Variants in MCF2L observed in about 807,000 individuals in gnomAD.
MCF2L encodes the protein guanine nucleotide exchange factor DBS.
In MCF2L, 97 loss-of-function variants were observed where a neutral mutation model predicts 153.4. The observed-to-expected ratio is 0.63, with a 90% CI of 0.54 to 0.75. The LOEUF (loss-of-function observed/expected upper bound fraction) is 0.75, where lower values mean the gene tolerates loss of function less well. Ranked by LOEUF, MCF2L falls within the 30% of genes least tolerant of loss-of-function variation. The probability of loss-of-function intolerance (pLI) is 0.00; values close to 1 mark genes in which losing one functional copy is unlikely to be tolerated. For missense variants in MCF2L, 1,347 were observed against 1,495.2 expected (o/e 0.90, Z 1.64); for synonymous variants, 659 against 632.2 (o/e 1.04, Z -0.64).
At chr13:113,048,670 C>T (rs1410216093) in intron 4 of MCF2L, among the ~76,000 whole-genome samples, 1 of 152,126 alleles carries the variant, frequency 6.6e-6, no homozygotes, top group African/African-American at 2.4e-5. Context: ...TCTCAATCTC[C>T]TGACCTCGTG....
At chr13:113,081,181 C>T (rs191673403) in intron 15 of MCF2L, 32 bp from the exon 16 acceptor site, 10 of 1,554,180 alleles carry the variant, frequency 6.4e-6, no homozygotes, top group Non-Finnish European at 8.7e-6. Flanking sequence ...CCAGTGCTAA[C>T]CTTTTTTGCT....
chr13:112,912,271 G>A (rs750114205), intron 2 of MCF2L, among the ~76,000 whole-genome samples: 2 of 152,204 alleles, frequency 1.3e-5, no homozygotes, highest in African/African-American at 2.4e-5. Flanking sequence ...GTGAGTGTCC[G>A]GGGACATTGG....
chr13:113,029,216 G>A (rs2085494082), intron 3 of MCF2L, among the ~76,000 whole-genome samples: 1 of 152,198 alleles, frequency 6.6e-6, no homozygotes, highest in African/African-American at 2.4e-5. Flanking sequence ...CCTGTCCCCT[G>A]GCTGTCCCGG....
At chr13:112,919,145 A>C (rs1170365481) in intron 2 of MCF2L, among the ~76,000 whole-genome samples, 1 of 151,522 alleles carries the variant, frequency 6.6e-6, no homozygotes, top group Non-Finnish European at 1.5e-5. Context: ...TATAACTTTT[A>C]GTTTTTAGGC....
At position 113,082,577 on chromosome 13, in the gene MCF2L, T is replaced by C. The variant is rs1594975489; in HGVS notation, c.1991+35T>C. 6 of 1,425,168 alleles carry C rather than the reference T, an allele frequency of 4.2e-6. No homozygotes were observed. The East Asian group carries it at 1.4e-4, about 33-fold the overall frequency. 88.3% of individuals were successfully genotyped at this position (1,425,168 alleles called of 1,614,324 possible). A position where few individuals can be genotyped will look rare whatever the true frequency, so the allele number is the denominator to read the frequency against. Reference sequence around the variant, plus strand: ...TCCCCCCGACACAGGCACGCACCCGTGATCTCTTGCAGCTAATGGTGCTGG... The same window carrying C: ...TCCCCCCGACACAGGCACGCACCCGCGATCTCTTGCAGCTAATGGTGCTGG... On this transcript the variant is annotated intron_variant, in intron 17 of 29. Transcript: ENST00000535094.
In MCF2L at chr13:113,070,345, C is replaced by A; in HGVS notation, c.996+172C>A. ...CCTGTGAGATTAAGTCAGGCTGAGC[C>A]TTGAAATGCACGATTGATGACTGCG... On this transcript the variant is annotated intron_variant, in intron 9 of 29. Coordinates refer to ENST00000535094, the MANE Select transcript of MCF2L (RefSeq NM_001112732.3). The surrounding 1 kb of genome is among the most constrained non-coding windows in gnomAD (Gnocchi z 5.6). 2.1e-6 allele frequency: 1 copy of A among 482,796 alleles called. No homozygotes were observed. Among genetic ancestry groups the A allele is most frequent in the Non-Finnish European group, 3.6e-6 (1 of 276,240 alleles). 29.9% of individuals were successfully genotyped at this position (482,796 alleles called of 1,614,324 possible). A position where few individuals can be genotyped will look rare whatever the true frequency, so the allele number is the denominator to read the frequency against.
At chr13:112,912,013 G>A (rs2081238087) in intron 2 of MCF2L, among the ~76,000 whole-genome samples, 1 of 152,216 alleles carries the variant, frequency 6.6e-6, no homozygotes, top group Non-Finnish European at 1.5e-5. Context: ...CATTGAGTAA[G>A]TTCTACCCCA....
intron 1 of MCF2L, among the ~76,000 whole-genome samples, chr13:112,995,617 C>G (rs1048616530): frequency 1.3e-5 from 2 of 152,154 alleles, no homozygotes; most frequent in South Asian, 4.1e-4. Flanking sequence ...AAGTCACCCC[C>G]GGGATGTGCC....
chr13:112,980,703 CTG>C (rs2082386997), intron 1 of MCF2L, among the ~76,000 whole-genome samples: 1 of 85,722 alleles, frequency 1.2e-5, no homozygotes, highest in African/African-American at 3.3e-5. Flanking sequence ...CTGAGGAGGG[CTG>C]TGTCACTCAC....
At chr13:113,048,880 G>A (rs552429268) in intron 4 of MCF2L, among the ~76,000 whole-genome samples, 1 of 152,338 alleles carries the variant, frequency 6.6e-6, no homozygotes, top group African/African-American at 2.4e-5. Flanking sequence ...GACAGTTGAG[G>A]GGCATCACAA....
intron 17 of MCF2L, 96 bp from the exon 18 acceptor site, chr13:113,083,902 C>T (rs548926946): frequency 1.7e-5 from 15 of 897,972 alleles, no homozygotes; most frequent in African/African-American, 1.5e-4. Flanking sequence ...CAGAGCAAGG[C>T]GTAACAGGCT....
At position 112,941,122 on chromosome 13, in the gene MCF2L, G is replaced by A. The variant is rs550797200; in HGVS notation, c.169+38751G>A. Among the ~76,000 whole-genome samples the A allele has an allele frequency of 2.9e-4, 44 of 152,182 alleles. No homozygotes were observed. In the South Asian group the frequency reaches 8.3e-3, roughly 29 times the overall value. On this transcript the variant is annotated intron_variant, in intron 2 of 29. Transcript: ENST00000375608. The surrounding 1 kb of genome is among the most constrained non-coding windows in gnomAD (Gnocchi z 4.9). ...TTTCCGCAGGGTCAGAGTGGCCATC[G>A]TGCTTATCACATAAAAATGTAACCT... is the stretch of plus-strand genomic sequence containing the variant.
chr13:113,089,707 A>C lies in MCF2L; in HGVS notation c.2932A>C (p.Lys978Gln), dbSNP rs748560276. Residue 978 changes from lysine to glutamine, a missense_variant, in exon 26 of 30, where the codon AAG (lysine) becomes CAG (glutamine). By Grantham distance (53) the Lys-to-Gln change is moderately conservative (BLOSUM62 1). This residue lies in a region of MCF2L where 383 missense variants were observed against 335.4 expected (regional missense o/e 1.14). Transcript: ENST00000535094. Reference protein sequence around the residue: ...EGYVSSAPLTKPPEKGKGWSK... With the variant: ...EGYVSSAPLTQPPEKGKGWSK... ...ATACGTCAGCTCAGCGCCACTGACA[A>C]AGCCCCCCGAAAAGGGCAAAGGTGG... The C allele has an allele frequency of 6.2e-7, 1 of 1,613,746 alleles. No homozygotes were observed. Among genetic ancestry groups the C allele is most frequent in the Non-Finnish European group, 8.5e-7 (1 of 1,179,964 alleles).
rs1179667205 is a variant in MCF2L, at chr13:113,099,573, A to G, written c.*2714A>G. 6.6e-6 allele frequency: 1 copy of G among 152,186 alleles called. No individual in the cohort carries two copies. The highest frequency in any genetic ancestry group is 1.5e-5 in the Non-Finnish European group (1 of 68,032). 9.4% of individuals were successfully genotyped at this position (152,186 alleles called of 1,614,324 possible). On this transcript the variant is annotated 3_prime_UTR_variant, in exon 30 of 30. Coordinates refer to ENST00000535094, the MANE Select transcript of MCF2L (RefSeq NM_001112732.3). ...CAAAAAAATAAGACTAGCGTAACCC[A>G]AAGAAAGTATTTAAATACTTCTGTC... is the stretch of plus-strand genomic sequence containing the variant.
rs1194728499 is a variant in MCF2L at position 113,078,921 on chromosome 13, G to T, written c.1808+182G>T. Reference sequence around the variant, plus strand: ...TGCCGTGGCTCGAGCGTGTGTCCTGGTCCCCACCGCGTGAAGCACACACAC... The same window carrying T: ...TGCCGTGGCTCGAGCGTGTGTCCTGTTCCCCACCGCGTGAAGCACACACAC... On this transcript the variant is annotated intron_variant, in intron 15 of 29. Coordinates refer to ENST00000535094, the MANE Select transcript of MCF2L (RefSeq NM_001112732.3). 2.0e-5 allele frequency among the ~76,000 whole-genome samples: 3 copies of T among 152,340 alleles called. No homozygotes were observed. The South Asian group carries it at 6.2e-4, about 32-fold the overall frequency.
chr13:113,057,496 C>CGCTGAGTGTTTGGGT (rs1232232074), intron 4 of MCF2L, among the ~76,000 whole-genome samples: 1 of 85,900 alleles, frequency 1.2e-5, no homozygotes, highest in Non-Finnish European at 2.3e-5. Flanking sequence ...GCTGAGTGGG[C>CGCTGAGTGTTTGGGT]GCTGAGTGTT....
In MCF2L at chr13:112,943,103, CTT is replaced by C. The variant is rs56146110; in HGVS notation, c.169+40734_169+40735del. ...AGATTTCTAGCAAAAACCTGGTAAA[CTT>C]TGAGGTGAAGGCTGTCAGAAACAGC... On this transcript the variant is annotated intron_variant, in intron 2 of 29. Coordinates refer to the MCF2L transcript ENST00000375608. The surrounding 1 kb of genome is among the most constrained non-coding windows in gnomAD (Gnocchi z 4.2). Among the ~76,000 whole-genome samples the C allele has an allele frequency of 0.19, 29,125 of 152,216 alleles. 3,436 individuals carry two copies. The highest frequency in any genetic ancestry group is 0.28 in the South Asian group (1,344 of 4,822).
chr13:113,075,242 T>G, intron 11 of MCF2L, 53 bp downstream of exon 11: 10 of 1,491,962 alleles, frequency 6.7e-6, no homozygotes, highest in Non-Finnish European at 8.2e-6. Context: ...AACCAGCCTC[T>G]TCCTCCCACA....
At position 112,943,447 on chromosome 13, in the gene MCF2L, G is replaced by A. The variant is rs2081597752; in HGVS notation, c.169+41076G>A. ...CGGAGGGCGCCGGCGCCCGGGAGAG[G>A]CGCCGCCTTGGTTGCAGGGGCCGGG... On this transcript the variant is annotated intron_variant, in intron 2 of 29. Transcript: ENST00000375608. The surrounding 1 kb of genome is among the most constrained non-coding windows in gnomAD (Gnocchi z 4.2). Among the ~76,000 whole-genome samples the A allele has an allele frequency of 6.6e-6, 1 of 151,898 alleles. No individual in the cohort carries two copies. Among genetic ancestry groups the A allele is most frequent in the African/African-American group, 2.4e-5 (1 of 41,376 alleles).
Sources: gnomAD v4.1 joint callset for allele counts (sites outside exome capture counted in the v4.1 genomes callset) on GRCh38, gnomAD v4.1.1 for gene constraint, gnomAD v4.1.1 regional missense constraint, Gnocchi (gnomAD v3.1) non-coding constraint, MANE v1.5 for transcripts, NCBI Gene and HGNC (gene_info 2026-07-23, HGNC 2026-07-21) for gene names.